ADGRL3: variants seen among roughly 807,000 people sequenced by gnomAD.
ADGRL3 encodes the protein calcium-independent alpha-latrotoxin receptor 3.
ADGRL3 carries 62 observed loss-of-function variants against 153.5 expected under a neutral mutation model. The observed-to-expected ratio is 0.40, with a 90% CI of 0.33 to 0.50. ADGRL3 has a LOEUF of 0.50. Ranked by LOEUF, ADGRL3 falls within the 20% of genes least tolerant of loss-of-function variation. The pLI is 0.47. For missense variants in ADGRL3, 1,641 were observed against 1,859.4 expected (o/e 0.88, Z 2.16); for synonymous variants, 710 against 672.5 (o/e 1.06, Z -0.86).
chr4:61,711,485 TATATATACACAC>T (rs1407474160), intron 6 of ADGRL3, among the ~76,000 whole-genome samples: 5 of 106,122 alleles, frequency 4.7e-5, no homozygotes, highest in African/African-American at 1.7e-4. Flanking sequence ...TATATATATA[TATATATACACAC>T]ACACACACAC....
In ADGRL3 at chr4:62,023,319, T is replaced by C. The variant is rs191797805; in HGVS notation, c.3396-5536T>C. ...ATATGTGAAGAGTTGCTTCTTACAG[T>C]TGAGCAAAGAAAGTGGTTTCTTAAG... On this transcript the variant is annotated intron_variant, in intron 21 of 26. Coordinates refer to ENST00000683033, the MANE Select transcript of ADGRL3 (RefSeq NM_001387552.1). Among the ~76,000 whole-genome samples, 527 of 152,302 alleles carry C rather than the reference T, an allele frequency of 3.5e-3. 8 individuals carry two copies. The highest frequency in any genetic ancestry group is 0.034 in the South Asian group (166 of 4,820).
intron 3 of ADGRL3, among the ~76,000 whole-genome samples, chr4:61,500,276 T>A (rs2098372620): frequency 6.6e-6 from 1 of 152,192 alleles, no homozygotes; most frequent in Non-Finnish European, 1.5e-5. Flanking sequence ...TATCCTTTAT[T>A]TTAAAACTTT....
Position 62,030,027 on chromosome 4 carries a change from G to A in ADGRL3, c.3422+1146G>A, listed in dbSNP as rs575494508. On this transcript the variant is annotated intron_variant, in intron 22 of 26. Transcript: ENST00000683033. Reference sequence around the variant, plus strand: ...TATGTAATAGCAAAACTCCCTTAGAGATTTTTTATTCAAGAATGTTGATGT... The same window carrying A: ...TATGTAATAGCAAAACTCCCTTAGAAATTTTTTATTCAAGAATGTTGATGT... Among the ~76,000 whole-genome samples, 104 of 151,636 alleles carry A rather than the reference G, an allele frequency of 6.9e-4. 1 individual carries two copies. The highest frequency in any genetic ancestry group is 2.3e-3 in the African/African-American group (96 of 41,500).
At chr4:61,874,244 G>T (rs912873457) in intron 9 of ADGRL3, among the ~76,000 whole-genome samples, 1 of 152,086 alleles carries the variant, frequency 6.6e-6, no homozygotes, top group Non-Finnish European at 1.5e-5. Flanking sequence ...CAGTGTTCAG[G>T]TCCTTGTAGA....
intron 6 of ADGRL3, among the ~76,000 whole-genome samples, chr4:61,716,649 C>T (rs1350481596): frequency 2.0e-5 from 3 of 152,106 alleles, no homozygotes; most frequent in South Asian, 2.1e-4. Flanking sequence ...GCAATAAACA[C>T]TTTGCAAGAA....
intron 9 of ADGRL3, among the ~76,000 whole-genome samples, chr4:61,829,625 T>C (rs942466008): frequency 1.3e-5 from 2 of 152,236 alleles, no homozygotes; most frequent in East Asian, 1.9e-4. Context: ...ATAATGTGCA[T>C]ATAGTTAATA....
chr4:61,994,460 G>C (rs774983763), intron 19 of ADGRL3, among the ~76,000 whole-genome samples: 18 of 151,534 alleles, frequency 1.2e-4, no homozygotes, highest in Non-Finnish European at 2.5e-4. Context: ...CCTCTTCATT[G>C]TTTTAAAATG....
intron 13 of ADGRL3, among the ~76,000 whole-genome samples, chr4:61,919,721 A>G (rs1443764123): frequency 6.6e-6 from 1 of 152,214 alleles, no homozygotes; most frequent in East Asian, 1.9e-4. Flanking sequence ...CCAAAGGACA[A>G]TGACAGATGT....
At chr4:62,002,328 C>G (rs1185679636) in intron 21 of ADGRL3, among the ~76,000 whole-genome samples, 2 of 149,978 alleles carry the variant, frequency 1.3e-5, no homozygotes, top group African/African-American at 4.9e-5. Context: ...GATATGCTCT[C>G]TTTTGCCTCA....
chr4:62,027,825 T>TTA (rs1241688382), intron 21 of ADGRL3, among the ~76,000 whole-genome samples: 2 of 151,996 alleles, frequency 1.3e-5, no homozygotes, highest in Non-Finnish European at 2.9e-5. Context: ...TATCACCATC[T>TTA]TATATATGTA....
intron 4 of ADGRL3, among the ~76,000 whole-genome samples, chr4:61,577,625 C>T (rs919179101): frequency 1.3e-5 from 2 of 151,448 alleles, no homozygotes; most frequent in African/African-American, 2.4e-5. Flanking sequence ...AGCTGGGCAA[C>T]ATAGTGAGAT....
intron 8 of ADGRL3, among the ~76,000 whole-genome samples, chr4:61,805,556 C>T (rs1197796711): frequency 6.6e-6 from 1 of 152,060 alleles, no homozygotes; most frequent in South Asian, 2.1e-4. Context: ...TATTATTTTT[C>T]CAGCACCATA....
intron 15 of ADGRL3, among the ~76,000 whole-genome samples, chr4:61,937,357 G>A (rs1460397463): frequency 1.3e-5 from 2 of 150,312 alleles, no homozygotes; most frequent in Non-Finnish European, 2.9e-5. Context: ...CTTGATTCTG[G>A]TTCTTGAACA....
intron 5 of ADGRL3, among the ~76,000 whole-genome samples, chr4:61,644,536 T>A (rs371707911): frequency 1.3e-5 from 2 of 152,166 alleles, no homozygotes; most frequent in East Asian, 1.9e-4. Context: ...CCTTCATTTC[T>A]TTATGTACCC....
intron 5 of ADGRL3, among the ~76,000 whole-genome samples, chr4:61,598,586 C>A (rs925942700): frequency 1.3e-5 from 2 of 152,126 alleles, no homozygotes; most frequent in African/African-American, 4.8e-5. Flanking sequence ...ACTCAAATAT[C>A]CTTAGAGTGG....
At chr4:61,869,389 G>T (rs565901874) in intron 9 of ADGRL3, among the ~76,000 whole-genome samples, 2 of 151,840 alleles carry the variant, frequency 1.3e-5, no homozygotes, top group East Asian at 3.9e-4. Context: ...ATGAGGTCAG[G>T]AGATCGAGAC....
chr4:61,549,193 A>G (rs1036936184), intron 4 of ADGRL3, among the ~76,000 whole-genome samples: 1 of 152,004 alleles, frequency 6.6e-6, no homozygotes, highest in Non-Finnish European at 1.5e-5. Context: ...TTTTATCCTG[A>G]GACTTTGCTG....
intron 4 of ADGRL3, among the ~76,000 whole-genome samples, chr4:61,519,816 T>C (rs2098519146): frequency 6.6e-6 from 1 of 152,150 alleles, no homozygotes; most frequent in African/African-American, 2.4e-5. Context: ...AAAACAAGTC[T>C]GTTCTAGAAA....
intron 8 of ADGRL3, among the ~76,000 whole-genome samples, chr4:61,781,581 A>G (rs958305305): frequency 6.6e-6 from 1 of 151,840 alleles, no homozygotes; most frequent in Non-Finnish European, 1.5e-5. Context: ...CCCGACTCTA[A>G]CTCCAATTTA....
Sources: allele counts gnomAD v4.1 joint callset (sites outside exome capture counted in the v4.1 genomes callset), GRCh38; gene constraint gnomAD v4.1.1; transcripts MANE v1.5; gene names NCBI Gene and HGNC (gene_info 2026-07-23, HGNC 2026-07-21).